The following SPECC1 variants were observed in gnomAD, a reference collection of about 807,000 sequenced individuals.
The protein encoded by SPECC1 is sperm antigen with calponin homology and coiled-coil domains 1, also known as cytospin-B.
Under a neutral mutation model 104.1 loss-of-function variants are expected in SPECC1, and 62 were observed. The observed-to-expected ratio is 0.60, with a 90% CI of 0.49 to 0.74. The LOEUF (loss-of-function observed/expected upper bound fraction) is 0.74. SPECC1 is among the 30% of genes least tolerant of loss of function. SPECC1 has a pLI of 0.00. For missense variants in SPECC1, 1,306 were observed against 1,310.5 expected (o/e 1.00, Z 0.05); for synonymous variants, 513 against 501.6 (o/e 1.02, Z -0.30).
chr17:20,139,799 T>C (rs1340779611), intron 3 of SPECC1, among the ~76,000 whole-genome samples: 1 of 152,128 alleles, frequency 6.6e-6, no homozygotes, highest in Non-Finnish European at 1.5e-5. Context: ...CTCAGCCTAC[T>C]GAGTAGCTGG....
chr17:20,097,221 C>G (rs1364700526), intron 2 of SPECC1, among the ~76,000 whole-genome samples: 2 of 152,170 alleles, frequency 1.3e-5, no homozygotes, highest in Non-Finnish European at 2.9e-5. Flanking sequence ...AGTGCGTTCT[C>G]CTCTGGTTTT....
At chr17:20,145,552 G>C (rs894800273) in intron 3 of SPECC1, among the ~76,000 whole-genome samples, 2 of 152,120 alleles carry the variant, frequency 1.3e-5, no homozygotes, top group African/African-American at 2.4e-5. Context: ...AGAGTCCCAT[G>C]GAAGAAGAAG....
In SPECC1 at chr17:20,058,614, A is replaced by G. The variant is rs980241056; in HGVS notation, c.-21-38017A>G. ...ATTGAGGCTACAGTGAGCTGTGATC[A>G]TGCCACCGTACTCCAGCCTGGGCAA... On this transcript the variant is annotated intron_variant, in intron 1 of 14. Coordinates refer to ENST00000395527, the MANE Select transcript of SPECC1 (RefSeq NM_001243439.2). Among the ~76,000 whole-genome samples the G allele has an allele frequency of 2.6e-5, 4 of 152,130 alleles. No individual in the cohort carries two copies. The East Asian group carries it at 7.7e-4, about 29-fold the overall frequency.
At chr17:20,115,199 G>A (rs919726669) in intron 3 of SPECC1, among the ~76,000 whole-genome samples, 1 of 152,164 alleles carries the variant, frequency 6.6e-6, no homozygotes, top group African/African-American at 2.4e-5. Context: ...GATCAGCCGG[G>A]CACGGTGGCT....
intron 14 of SPECC1, among the ~76,000 whole-genome samples, chr17:20,311,029 G>A (rs1172523662): frequency 3.3e-5 from 5 of 151,860 alleles, no homozygotes; most frequent in South Asian, 2.1e-4. Context: ...GCTCCAGAGC[G>A]CATGCCGTCA....
intron 1 of SPECC1, among the ~76,000 whole-genome samples, chr17:20,080,077 A>T (rs1370157471): frequency 6.6e-6 from 1 of 152,196 alleles, no homozygotes. Flanking sequence ...CCTAAAACTG[A>T]CTTAACATTA....
At chr17:20,241,166 G>A (rs2039182894) in intron 7 of SPECC1, among the ~76,000 whole-genome samples, 1 of 152,204 alleles carries the variant, frequency 6.6e-6, no homozygotes, top group Non-Finnish European at 1.5e-5. Flanking sequence ...CCCAGGTAGA[G>A]TAGAGAAGGG....
intron 10 of SPECC1, among the ~76,000 whole-genome samples, chr17:20,254,768 A>T (rs2039763688): frequency 6.7e-6 from 1 of 149,506 alleles, no homozygotes; most frequent in African/African-American, 2.6e-5. Context: ...TTTTGTTTCT[A>T]AGCATAAAAT....
intron 1 of SPECC1, among the ~76,000 whole-genome samples, chr17:20,046,843 G>A (rs1368944856): frequency 1.4e-5 from 2 of 143,458 alleles, no homozygotes; most frequent in African/African-American, 2.6e-5. Flanking sequence ...CAGGAGACAC[G>A]TCACAAGGAT....
intron 3 of SPECC1, among the ~76,000 whole-genome samples, chr17:20,175,501 C>T (rs887249679): frequency 3.0e-4 from 45 of 152,256 alleles, no homozygotes; most frequent in Admixed American, 1.3e-3. Context: ...TTTAAAACTT[C>T]TATTCATTTC....
At position 20,314,296 on chromosome 17, in the gene SPECC1, G is replaced by C; in HGVS notation, c.*231G>C. The C allele has an allele frequency of 3.6e-6, 2 of 558,132 alleles. No homozygotes were observed. The highest frequency in any genetic ancestry group is 4.2e-5 in the South Asian group (2 of 47,952). 34.6% of individuals were successfully genotyped at this position (558,132 alleles called of 1,614,324 possible). A position where few individuals can be genotyped will look rare whatever the true frequency, so the allele number is the denominator to read the frequency against. On this transcript the variant is annotated 3_prime_UTR_variant, in exon 15 of 15. Coordinates refer to ENST00000395527, the MANE Select transcript of SPECC1 (RefSeq NM_001243439.2). The stretch of plus-strand genomic sequence containing the variant: ...TAAATTGGGGACTCTTTGATCTCTT[G>C]TGGGATGCTTCTAAAGAGGGCAGCC...
At chr17:20,235,705 CTG>C (rs1468109738) in intron 7 of SPECC1, among the ~76,000 whole-genome samples, 1 of 152,228 alleles carries the variant, frequency 6.6e-6, no homozygotes, top group Non-Finnish European at 1.5e-5. Context: ...CTGATTCTTA[CTG>C]TGTCTGTCAT....
intron 13 of SPECC1, among the ~76,000 whole-genome samples, chr17:20,300,057 G>C (rs1323086288): frequency 6.6e-6 from 1 of 152,228 alleles, no homozygotes; most frequent in African/African-American, 2.4e-5. Flanking sequence ...CAATTTTCAT[G>C]TTAAATAACC....
At chr17:20,154,261 G>A (rs1171789093) in intron 3 of SPECC1, among the ~76,000 whole-genome samples, 2 of 152,200 alleles carry the variant, frequency 1.3e-5, no homozygotes, top group Non-Finnish European at 2.9e-5. Flanking sequence ...GTGTCACAGA[G>A]GCCAGCAAAG....
chr17:20,164,630 T>G (rs774797960), intron 3 of SPECC1, among the ~76,000 whole-genome samples: 23 of 152,224 alleles, frequency 1.5e-4, no homozygotes, highest in Admixed American at 2.0e-4. Flanking sequence ...TTGAGCATAT[T>G]CAGGGATATT....
chr17:20,026,024 G>A (rs1307257220), intron 1 of SPECC1, among the ~76,000 whole-genome samples: 1 of 151,950 alleles, frequency 6.6e-6, no homozygotes, highest in Admixed American at 6.6e-5. Context: ...TTAGATAAGT[G>A]TATATTCAAG....
chr17:20,024,554 G>A (rs1007666117), intron 1 of SPECC1, among the ~76,000 whole-genome samples: 1 of 152,096 alleles, frequency 6.6e-6, no homozygotes, highest in African/African-American at 2.4e-5. Context: ...ATATTTCTCT[G>A]TCTCAGAGGG....
chr17:20,295,989 C>T (rs180754366), intron 12 of SPECC1, among the ~76,000 whole-genome samples: 1,571 of 152,266 alleles, frequency 0.01, 12 homozygotes, highest in Middle Eastern at 0.034. Flanking sequence ...ACTCTGATGG[C>T]AGTTTCTTTT....
intron 1 of SPECC1, among the ~76,000 whole-genome samples, chr17:20,062,201 C>T (rs950970561): frequency 1.3e-5 from 2 of 149,386 alleles, no homozygotes; most frequent in South Asian, 2.1e-4. Flanking sequence ...TGAGGTAAGC[C>T]GAGATCACGC....
Sources: allele counts gnomAD v4.1 joint callset (sites outside exome capture counted in the v4.1 genomes callset), GRCh38; gene constraint gnomAD v4.1.1; transcripts MANE v1.5; gene names NCBI Gene and HGNC (gene_info 2026-07-23, HGNC 2026-07-21).